The following THSD7A variants were observed in gnomAD, a reference collection of about 807,000 sequenced individuals.
THSD7A encodes thrombospondin type-1 domain-containing protein 7A.
In THSD7A, 96 loss-of-function variants were observed where a neutral mutation model predicts 231.3. The ratio of observed to expected loss-of-function variants is 0.41; its 90% CI spans 0.35 to 0.49. The LOEUF (loss-of-function observed/expected upper bound fraction) is 0.49, where lower values mean the gene tolerates loss of function less well. Among genes scored for constraint, THSD7A ranks in the 20% least tolerant of loss-of-function variants. THSD7A has a pLI of 0.05. For missense variants in THSD7A, 2,290 were observed against 2,070.2 expected (o/e 1.11, Z -2.06); for synonymous variants, 940 against 743.3 (o/e 1.26, Z -4.30).
intron 2 of THSD7A, among the ~76,000 whole-genome samples, chr7:11,626,922 G>A (rs370352630): frequency 2.0e-5 from 3 of 152,050 alleles, no homozygotes; most frequent in African/African-American, 7.2e-5. Context: ...CATATCTTTT[G>A]AGGATATTCT....
At chr7:11,818,707 G>A (rs1470607849) in intron 1 of THSD7A, among the ~76,000 whole-genome samples, 1 of 152,192 alleles carries the variant, frequency 6.6e-6, no homozygotes, top group Non-Finnish European at 1.5e-5. Flanking sequence ...CAGGAGGTAT[G>A]TATTACACTT....
chr7:11,692,372 A>T (rs1351335752), intron 1 of THSD7A, among the ~76,000 whole-genome samples: 1 of 151,600 alleles, frequency 6.6e-6, no homozygotes, highest in East Asian at 2.0e-4. Flanking sequence ...GGAAGGGTGC[A>T]TTACTTCAAG....
intron 2 of THSD7A, among the ~76,000 whole-genome samples, chr7:11,619,576 T>A (rs1781234589): frequency 6.6e-6 from 1 of 151,808 alleles, no homozygotes; most frequent in African/African-American, 2.4e-5. Context: ...GCCCAACTAA[T>A]TTTTTAAATT....
intron 4 of THSD7A, among the ~76,000 whole-genome samples, chr7:11,585,693 C>A (rs1779862310): frequency 6.6e-6 from 1 of 152,110 alleles, no homozygotes; most frequent in Non-Finnish European, 1.5e-5. Flanking sequence ...GTGGCCAGAG[C>A]CTATTCCGTC....
chr7:11,457,593 G>T (rs147266063), intron 11 of THSD7A, among the ~76,000 whole-genome samples: 1 of 151,860 alleles, frequency 6.6e-6, no homozygotes, highest in Admixed American at 6.6e-5. Context: ...TTCTGTACAC[G>T]CTGACAGATA....
At chr7:11,773,378 G>A (rs1185346092) in intron 1 of THSD7A, among the ~76,000 whole-genome samples, 1 of 151,846 alleles carries the variant, frequency 6.6e-6, no homozygotes, top group Non-Finnish European at 1.5e-5. Flanking sequence ...ACTAAAATAC[G>A]AAATTAGCCA....
At chr7:11,542,253 A>T (rs963329758) in intron 5 of THSD7A, among the ~76,000 whole-genome samples, 17 of 152,188 alleles carry the variant, frequency 1.1e-4, no homozygotes, top group African/African-American at 4.1e-4. Flanking sequence ...ATAGCACCTA[A>T]ATGCTGCCCT....
At chr7:11,793,325 G>A (rs1191545118) in intron 1 of THSD7A, among the ~76,000 whole-genome samples, 1 of 151,802 alleles carries the variant, frequency 6.6e-6, no homozygotes, top group African/African-American at 2.4e-5. Context: ...TCTTCTAGTA[G>A]GTAATAGAAA....
chr7:11,746,407 G>A (rs1332102279), intron 1 of THSD7A, among the ~76,000 whole-genome samples: 1 of 151,744 alleles, frequency 6.6e-6, no homozygotes, highest in Non-Finnish European at 1.5e-5. Context: ...TTCTGTTCCA[G>A]GATCTAATCC....
intron 1 of THSD7A, among the ~76,000 whole-genome samples, chr7:11,698,744 G>T (rs1780478659): frequency 6.6e-6 from 1 of 151,314 alleles, no homozygotes; most frequent in South Asian, 2.1e-4. Context: ...AACATTGAAA[G>T]GAAGTACAGA....
intron 6 of THSD7A, among the ~76,000 whole-genome samples, chr7:11,501,620 T>C (rs1402335529): frequency 1.3e-5 from 2 of 152,072 alleles, no homozygotes; most frequent in Non-Finnish European, 2.9e-5. Context: ...CTCTGGGAAA[T>C]AGCTAAGGCA....
At chr7:11,570,712 G>C (rs926578226) in intron 4 of THSD7A, among the ~76,000 whole-genome samples, 1 of 151,946 alleles carries the variant, frequency 6.6e-6, no homozygotes. Context: ...CCTTTTAATT[G>C]GACACAAAGA....
At chr7:11,827,361 G>A (rs533239222) in intron 1 of THSD7A, among the ~76,000 whole-genome samples, 2 of 151,832 alleles carry the variant, frequency 1.3e-5, no homozygotes, top group East Asian at 1.9e-4. Context: ...CTAAAATGTC[G>A]TTTCCCAAAA....
chr7:11,723,142 A>G (rs1443026767), intron 1 of THSD7A, among the ~76,000 whole-genome samples: 1 of 152,066 alleles, frequency 6.6e-6, no homozygotes, highest in Admixed American at 6.6e-5. Flanking sequence ...AATACTATGC[A>G]GCCATAAAAA....
intron 6 of THSD7A, among the ~76,000 whole-genome samples, chr7:11,487,648 A>T (rs1786714114): frequency 6.6e-6 from 1 of 152,136 alleles, no homozygotes; most frequent in Non-Finnish European, 1.5e-5. Flanking sequence ...CCTCACAATC[A>T]TGGTAGAAGA....
At chr7:11,568,280 T>C (rs1043895871) in intron 4 of THSD7A, among the ~76,000 whole-genome samples, 5 of 152,122 alleles carry the variant, frequency 3.3e-5, no homozygotes, top group Admixed American at 3.3e-4. Flanking sequence ...GGGGAGTTCT[T>C]CACTCTGCTG....
chr7:11,786,756 TAATAA>T (rs2128176494), intron 1 of THSD7A, among the ~76,000 whole-genome samples: 1 of 78,312 alleles, frequency 1.3e-5, no homozygotes, highest in South Asian at 4.6e-4. Context: ...TAGAGTATAA[TAATAA>T]AAAAAAAAAA....
chr7:11,541,922 C>T (rs1410732171), intron 5 of THSD7A, among the ~76,000 whole-genome samples: 6 of 134,182 alleles, frequency 4.5e-5, no homozygotes, highest in Non-Finnish European at 8.0e-5. Context: ...CCTTGTAGGG[C>T]GTAGAGGAGT....
At chr7:11,661,122 C>A (rs1430220412) in intron 1 of THSD7A, among the ~76,000 whole-genome samples, 1 of 151,084 alleles carries the variant, frequency 6.6e-6, no homozygotes, top group Non-Finnish European at 1.5e-5. Flanking sequence ...GGTAAGTAAC[C>A]CAGGCTATCA....
Sources: allele counts gnomAD v4.1 joint callset (sites outside exome capture counted in the v4.1 genomes callset), GRCh38; gene constraint gnomAD v4.1.1; transcripts MANE v1.5; gene names NCBI Gene and HGNC (gene_info 2026-07-23, HGNC 2026-07-21).